The following SAMD12 variants were observed in gnomAD, a reference collection of about 807,000 sequenced individuals.
The protein encoded by SAMD12 is sterile alpha motif domain-containing protein 12.
SAMD12 carries 9 observed loss-of-function variants against 15.0 expected under a neutral mutation model. That is an observed-to-expected ratio of 0.60 (90% confidence interval 0.36 to 1.05). The LOEUF (loss-of-function observed/expected upper bound fraction) is 1.05. Ranked by LOEUF, SAMD12 falls within the 50% of genes least tolerant of loss-of-function variation. The pLI, the probability that SAMD12 is intolerant of heterozygous loss-of-function variation, is 0.01. For synonymous variants in SAMD12, 86 were observed against 90.1 expected (o/e 0.96, Z 0.25); for missense variants, 230 against 234.2 (o/e 0.98, Z 0.12).
At chr8:118,528,082 A>G (rs1825579428) in intron 2 of SAMD12, among the ~76,000 whole-genome samples, 1 of 152,142 alleles carries the variant, frequency 6.6e-6, no homozygotes, top group East Asian at 1.9e-4. Flanking sequence ...GCTGGAATGC[A>G]GTGGCATGAT....
the SAMD12 span, among the ~76,000 whole-genome samples, chr8:118,139,013 A>G: frequency 6.6e-6 from 1 of 152,230 alleles, no homozygotes; most frequent in Admixed American, 6.5e-5. Flanking sequence ...TTAACAGCCA[A>G]GGAGACTGAG....
intron 2 of SAMD12, among the ~76,000 whole-genome samples, chr8:118,533,209 T>C (rs189897839): frequency 6.6e-6 from 1 of 152,360 alleles, no homozygotes; most frequent in East Asian, 1.9e-4. Context: ...CCAGTAGTCA[T>C]TCAGGAGCAG....
intron 4 of SAMD12, among the ~76,000 whole-genome samples, chr8:118,295,054 G>A (rs3900767): frequency 0.044 from 6,722 of 151,546 alleles, 321 homozygotes; most frequent in East Asian, 0.18. Flanking sequence ...TTTTTTTTAC[G>A]TGAAAATTGG....
intron 1 of SAMD12, among the ~76,000 whole-genome samples, chr8:118,587,851 G>A (rs1351813013): frequency 1.3e-5 from 2 of 152,176 alleles, no homozygotes; most frequent in African/African-American, 2.4e-5. Context: ...ACTTTCAGAT[G>A]AACCCCTGCA....
At chr8:118,604,296 T>C (rs982183986) in intron 1 of SAMD12, among the ~76,000 whole-genome samples, 2 of 152,242 alleles carry the variant, frequency 1.3e-5, no homozygotes, top group Non-Finnish European at 2.9e-5. Flanking sequence ...TCTATATTTG[T>C]ATATGAAATT....
intron 1 of SAMD12, among the ~76,000 whole-genome samples, chr8:118,601,379 T>G (rs901904250): frequency 6.6e-6 from 1 of 152,238 alleles, no homozygotes; most frequent in African/African-American, 2.4e-5. Context: ...ATATATGATG[T>G]AGCTTAAAAC....
At chr8:118,458,171 A>G (rs1032326370) in intron 2 of SAMD12, among the ~76,000 whole-genome samples, 2 of 152,244 alleles carry the variant, frequency 1.3e-5, no homozygotes, top group African/African-American at 4.8e-5. Context: ...ATTTCTCCAC[A>G]AAACACCATC....
At chr8:118,180,966 A>C in the SAMD12 span, among the ~76,000 whole-genome samples, 4,547 of 152,254 alleles carry the variant, frequency 0.03, 90 homozygotes, top group South Asian at 0.078. Context: ...GTCCCCTACA[A>C]CCTTACCTGA....
rs556894099 is a variant in SAMD12 at position 118,245,818 on chromosome 8, C to A, written c.434-48086G>T. 1.8e-4 allele frequency among the ~76,000 whole-genome samples: 27 copies of A among 152,204 alleles called. No individual in the cohort carries two copies. The Middle Eastern group carries it at 0.024, about 134-fold the overall frequency. Reference sequence around the variant, plus strand: ...AGGGAAGTCTCAGAGTACCTCTAAACAGGCAGATCTTTCTGGGATTGGAAG... The same window carrying A: ...AGGGAAGTCTCAGAGTACCTCTAAAAAGGCAGATCTTTCTGGGATTGGAAG... On this transcript the variant is annotated intron_variant, in intron 4 of 4. Coordinates refer to the SAMD12 transcript ENST00000409003.
At chr8:118,214,846 G>T (rs1481847531) in intron 4 of SAMD12, among the ~76,000 whole-genome samples, 1 of 152,172 alleles carries the variant, frequency 6.6e-6, no homozygotes, top group Admixed American at 6.5e-5. Context: ...GGGTGCCTTA[G>T]AGCGCATGGA....
intron 2 of SAMD12, among the ~76,000 whole-genome samples, chr8:118,522,222 AAG>A (rs368931801): frequency 6.6e-6 from 1 of 151,790 alleles, no homozygotes; most frequent in Admixed American, 6.6e-5. Context: ...ACACGATAAA[AAG>A]AGAGAAATCA....
intron 4 of SAMD12, among the ~76,000 whole-genome samples, chr8:118,280,242 T>A (rs944775131): frequency 6.6e-6 from 1 of 152,204 alleles, no homozygotes; most frequent in Admixed American, 6.5e-5. Context: ...TTGTTCTTAG[T>A]CAAAATATTC....
At chr8:118,283,287 T>C (rs1481659775) in intron 4 of SAMD12, among the ~76,000 whole-genome samples, 1 of 152,206 alleles carries the variant, frequency 6.6e-6, no homozygotes, top group Non-Finnish European at 1.5e-5. Flanking sequence ...ATGGCACCTT[T>C]TGGTCATATT....
the SAMD12 span, among the ~76,000 whole-genome samples, chr8:118,145,289 C>T: frequency 6.6e-6 from 1 of 152,124 alleles, no homozygotes; most frequent in Non-Finnish European, 1.5e-5. Flanking sequence ...GGAAAATACT[C>T]ACTTGAAAAA....
intron 1 of SAMD12, among the ~76,000 whole-genome samples, chr8:118,619,136 C>A (rs1281372045): frequency 6.6e-6 from 1 of 152,122 alleles, no homozygotes; most frequent in Non-Finnish European, 1.5e-5. Context: ...GCAGCAGTTC[C>A]TACATATCCC....
intron 2 of SAMD12, among the ~76,000 whole-genome samples, chr8:118,551,799 AAGAG>A (rs1292102975): frequency 1.3e-5 from 2 of 152,206 alleles, no homozygotes; most frequent in East Asian, 1.9e-4. Context: ...TAAAGAAAAA[AAGAG>A]AGAAGAATCA....
the SAMD12 span, among the ~76,000 whole-genome samples, chr8:118,150,698 A>G: frequency 6.6e-6 from 1 of 152,188 alleles, no homozygotes; most frequent in Non-Finnish European, 1.5e-5. Context: ...ATAATTGATC[A>G]TCTCTTAAAG....
the SAMD12 span, among the ~76,000 whole-genome samples, chr8:118,174,191 G>C: frequency 1.3e-5 from 2 of 152,264 alleles, no homozygotes; most frequent in East Asian, 3.9e-4. Flanking sequence ...ATTCAATGGG[G>C]CAATGTTTGC....
At chr8:118,367,081 T>C (rs1020252510) in intron 4 of SAMD12, among the ~76,000 whole-genome samples, 1 of 151,900 alleles carries the variant, frequency 6.6e-6, no homozygotes, top group African/African-American at 2.4e-5. Context: ...CCTTCTAGAA[T>C]TGGCATGTAG....
Sources: gnomAD v4.1 joint callset for allele counts (sites outside exome capture counted in the v4.1 genomes callset) on GRCh38, gnomAD v4.1.1 for gene constraint, MANE v1.5 for transcripts, NCBI Gene and HGNC (gene_info 2026-07-23, HGNC 2026-07-21) for gene names.